SLITRK6: variants seen among roughly 807,000 people sequenced by gnomAD.
SLITRK6 encodes the protein SLIT and NTRK like family member 6.
Under a neutral mutation model 55.6 loss-of-function variants are expected in SLITRK6, and 35 were observed. The observed-to-expected ratio is 0.63, with a 90% CI of 0.48 to 0.83. The LOEUF is 0.83. Ranked by LOEUF, SLITRK6 falls within the 40% of genes least tolerant of loss-of-function variation. The probability of loss-of-function intolerance (pLI) is 0.00; values close to 1 mark genes in which losing one functional copy is unlikely to be tolerated. For synonymous variants in SLITRK6, 392 were observed against 359.6 expected (o/e 1.09, Z -1.02); for missense variants, 977 against 986.4 (o/e 0.99, Z 0.13).
In SLITRK6 at chr13:85,796,132, A is replaced by G. The variant is rs756032173; in HGVS notation, c.377T>C (p.Ile126Thr). 2 of 1,612,258 alleles carry G rather than the reference A, an allele frequency of 1.2e-6. No homozygotes were observed. The highest frequency in any genetic ancestry group is 1.7e-6 in the Non-Finnish European group (2 of 1,179,282). Reference protein sequence around the residue: ...QLHINHNSLEILKEDTFHGLE... With the variant: ...QLHINHNSLETLKEDTFHGLE... Reference sequence around the variant, plus strand: ...TCCATGGAAAGTATCCTCTTTAAGAATTTCTAAAGAATTGTGATTGATATG... The same window carrying G: ...TCCATGGAAAGTATCCTCTTTAAGAGTTTCTAAAGAATTGTGATTGATATG... The change falls in exon 2 of 2, where the codon ATT becomes ACT. Residue 126 changes from isoleucine (I) to threonine (T), a missense_variant. Physicochemically the swap from Ile to Thr is moderately conservative, Grantham distance 89. Coordinates refer to ENST00000647374, the MANE Select transcript of SLITRK6 (RefSeq NM_032229.3).
chr13:85,794,092 G>GAGT lies in SLITRK6; in HGVS notation c.2414_2416dup (p.Tyr805dup), dbSNP rs753339535. 6.2e-7 allele frequency: 1 copy of GAGT among 1,612,992 alleles called. No individual in the cohort carries two copies. The highest frequency in any genetic ancestry group is 1.1e-5 in the South Asian group (1 of 91,042). ...TTCCACTAATACCTTCCTTGGACGT[G>GAGT]AGTACATTAATGTTTCCATTAACTT... On this transcript the variant is annotated inframe_insertion, in exon 2 of 2. Transcript: ENST00000647374.
In SLITRK6 at chr13:85,794,458, C is replaced by T. The variant is rs755704179; in HGVS notation, c.2051G>A (p.Ser684Asn). The stretch of plus-strand genomic sequence containing the variant: ...ACTTCTATAGACATGAACCATGGGG[C>T]TCACCATGTGCTGTTCATAGAGTGA... ...SASLYEQHMV[S>N]PMVHVYRSPS... Residue 684 changes from serine to asparagine, a missense_variant, in exon 2 of 2, where the codon AGC (serine) becomes AAC (asparagine). By Grantham distance (46) the Ser-to-Asn change is conservative. Transcript: ENST00000647374. 8 of 1,613,254 alleles carry T rather than the reference C, an allele frequency of 5.0e-6. No homozygotes were observed. The highest frequency in any genetic ancestry group is 6.8e-6 in the Non-Finnish European group (8 of 1,179,574).
intron 1 of SLITRK6, among the ~76,000 whole-genome samples, chr13:85,796,876 T>C (rs1019748271): frequency 3.3e-5 from 5 of 151,758 alleles, no homozygotes; most frequent in Non-Finnish European, 1.5e-5. Context: ...GATACTTCAC[T>C]GTGATGCAAA....
intron 1 of SLITRK6, among the ~76,000 whole-genome samples, chr13:85,798,068 A>G (rs1040865344): frequency 9.9e-5 from 15 of 151,928 alleles, no homozygotes; most frequent in Admixed American, 7.9e-4. Flanking sequence ...CATATAGTAC[A>G]AAGTTCCTGA....
Position 85,795,682 on chromosome 13 carries a change from T to G in SLITRK6, c.827A>C (p.His276Pro). Residue 276 changes from histidine (H) to proline (P), a missense_variant, in exon 2 of 2, where the codon CAT (histidine) becomes CCT (proline). Coordinates refer to ENST00000647374, the MANE Select transcript of SLITRK6 (RefSeq NM_032229.3). ...ICPTPPVYEE[H>P]EDPSGSLHLA... is the part of the protein sequence containing the mutation. ...ATGTAATGATCCTGAAGGATCCTCATGTTCTTCATACACTGGTGGAGTAGG... is the reference window on the plus strand; with the variant it reads ...ATGTAATGATCCTGAAGGATCCTCAGGTTCTTCATACACTGGTGGAGTAGG... 6.2e-7 allele frequency: 1 copy of G among 1,613,142 alleles called. No homozygotes were observed. The highest frequency in any genetic ancestry group is 8.5e-7 in the Non-Finnish European group (1 of 1,179,448).
intron 1 of SLITRK6, among the ~76,000 whole-genome samples, chr13:85,797,151 CTATA>C (rs10694306): frequency 0.013 from 1,913 of 145,160 alleles, 21 homozygotes; most frequent in Admixed American, 0.024. Context: ...TCGGTTTTGG[CTATA>C]TATATATATA....
At position 85,796,488 on chromosome 13, in the gene SLITRK6, G is replaced by T. The variant is rs751137531; in HGVS notation, c.21C>A (p.Leu7=). Residue 7 remains leucine, a synonymous_variant, in exon 2 of 2, where the codon CTC becomes CTA. Coordinates refer to ENST00000647374, the MANE Select transcript of SLITRK6 (RefSeq NM_032229.3). MKLWIH[L]FYSSLLACIS... ...TACAGGCAAGGAGAGATGAATAAAA[G>T]AGATGAATCCACAGCTTCATGTTGT... The T allele has an allele frequency of 1.3e-6, 2 of 1,553,000 alleles. No homozygotes were observed. Among genetic ancestry groups the T allele is most frequent in the Non-Finnish European group, 8.7e-7 (1 of 1,155,514 alleles).
At chr13:85,796,783 A>C (rs527340210) in intron 1 of SLITRK6, among the ~76,000 whole-genome samples, 2 of 151,846 alleles carry the variant, frequency 1.3e-5, no homozygotes, top group Non-Finnish European at 2.9e-5. Flanking sequence ...GGGGATTTAA[A>C]ATATTATATC....
chr13:85,794,850 G>A lies in SLITRK6; in HGVS notation c.1659C>T (p.Asp553=), dbSNP rs1190214516. The change falls in exon 2 of 2, where the codon GAC becomes GAT. Residue 553 remains aspartate (D), a synonymous_variant. Transcript: ENST00000647374. ...DILCTSPGHL[D]KKELKALNSE... ...TATTTAGGGCTTTCAATTCCTTTTT[G>A]TCGAGATGCCCGGGGGAAGTGCAGA... 9 of 1,612,906 alleles carry A rather than the reference G, an allele frequency of 5.6e-6. No individual in the cohort carries two copies. The highest frequency in any genetic ancestry group is 1.3e-5 in the African/African-American group (1 of 74,792).
In SLITRK6 at chr13:85,794,356, T is replaced by C; in HGVS notation, c.2153A>G (p.Gln718Arg). The C allele has an allele frequency of 1.2e-6, 2 of 1,613,368 alleles. No individual in the cohort carries two copies. The highest frequency in any genetic ancestry group is 2.2e-5 in the South Asian group (2 of 91,048). ...EKEGSDAKHL[Q>R]RSLLEQENHS... Reference sequence around the variant, plus strand: ...ATTTTCCTGTTCCAAAAGACTTCTTTGGAGATGTTTTGCATCACTTCCTTC... The same window carrying C: ...ATTTTCCTGTTCCAAAAGACTTCTTCGGAGATGTTTTGCATCACTTCCTTC... Residue 718 changes from glutamine to arginine, a missense_variant, in exon 2 of 2, where the codon CAA (glutamine) becomes CGA (arginine). Gln to Arg is a conservative substitution (Grantham distance 43). Coordinates refer to ENST00000647374, the MANE Select transcript of SLITRK6 (RefSeq NM_032229.3).
At position 85,795,589 on chromosome 13, in the gene SLITRK6, G is replaced by T. The variant is rs746242783; in HGVS notation, c.920C>A (p.Pro307His). ...AGGTATCAAACCTGGTGCTTTGGTG[G>T]GTAGTTTTAGAATGGACGTGGTCTT... Reference protein sequence around the residue: ...STKTTSILKLPTKAPGLIPYI... With the variant: ...STKTTSILKLHTKAPGLIPYI... Residue 307 changes from proline (P) to histidine (H), a missense_variant, in exon 2 of 2, where the codon CCC becomes CAC. Pro to His is a moderately conservative substitution (Grantham distance 77). Transcript: ENST00000647374. 1 of 1,612,870 alleles carries T rather than the reference G, an allele frequency of 6.2e-7. No individual in the cohort carries two copies. The highest frequency in any genetic ancestry group is 1.3e-5 in the African/African-American group (1 of 74,920).
Position 85,794,643 on chromosome 13 carries a change from A to G in SLITRK6, c.1866T>C (p.Val622=). Residue 622 remains valine, a synonymous_variant, in exon 2 of 2, where the codon GTT becomes GTC. Coordinates refer to ENST00000647374, the MANE Select transcript of SLITRK6 (RefSeq NM_032229.3). The part of the protein sequence containing the change: ...LGLLIMFITI[V]FCAAGIVVLV... ...GAACCACTATCCCTGCAGCACAGAA[A>G]ACAATAGTGATGAACATAATCAGAA... 1 of 1,613,308 alleles carries G rather than the reference A, an allele frequency of 6.2e-7. No homozygotes were observed. Among genetic ancestry groups the G allele is most frequent in the Non-Finnish European group, 8.5e-7 (1 of 1,179,550 alleles).
chr13:85,795,960 A>G lies in SLITRK6; in HGVS notation c.549T>C (p.Val183=), dbSNP rs1452806571. ...ESLPPNIFRF[V]PLTHLDLRGN... ...CACGAAGATCTAGATGGGTTAAAGG[A>G]ACAAATCGGAAGATGTTTGGAGGAA... The change falls in exon 2 of 2, where the codon GTT becomes GTC. Residue 183 remains valine, a synonymous_variant. Transcript: ENST00000647374. The G allele has an allele frequency of 6.2e-7, 1 of 1,613,044 alleles. No individual in the cohort carries two copies. Among genetic ancestry groups the G allele is most frequent in the Admixed American group, 1.7e-5 (1 of 59,826 alleles).
rs34633805 is a variant in SLITRK6, at chr13:85,793,838, CT to C, written c.*144del. ...GCTTCTCCCAGTGATCCCTGAGTTTCTTTTTCTTCTTCTTTTTTTTTCCCCA... is the reference window on the plus strand; with the variant it reads ...GCTTCTCCCAGTGATCCCTGAGTTTCTTTTCTTCTTCTTTTTTTTTCCCCA... On this transcript the variant is annotated 3_prime_UTR_variant, in exon 2 of 2. Transcript: ENST00000647374. The C allele has an allele frequency of 0.29, 271,186 of 938,462 alleles. 43,415 individuals are homozygous for C. Among genetic ancestry groups the C allele is most frequent in the East Asian group, 0.61 (21,647 of 35,578 alleles). 58.1% of individuals were successfully genotyped at this position (938,462 alleles called of 1,614,324 possible). A position where few individuals can be genotyped will look rare whatever the true frequency, so the allele number is the denominator to read the frequency against.
In SLITRK6 at chr13:85,794,580, T is replaced by C. The variant is rs753418640; in HGVS notation, c.1929A>G (p.Gln643=). 10 of 1,613,126 alleles carry C rather than the reference T, an allele frequency of 6.2e-6. No individual in the cohort carries two copies. Among genetic ancestry groups the C allele is most frequent in the Admixed American group, 5.0e-5 (3 of 59,816 alleles). The change falls in exon 2 of 2, where the codon CAA becomes CAG. Residue 643 remains glutamine (Q), a synonymous_variant. Coordinates refer to ENST00000647374, the MANE Select transcript of SLITRK6 (RefSeq NM_032229.3). ...LHRRRRYKKK[Q]VDEQMRDNSP... is the part of the protein sequence containing the mutation. Reference sequence around the variant, plus strand: ...TGTTGTCTCTCATTTGCTCATCTACTTGTTTCTTTTTGTATCTTCTCCTGC... The same window carrying C: ...TGTTGTCTCTCATTTGCTCATCTACCTGTTTCTTTTTGTATCTTCTCCTGC...
Position 85,795,101 on chromosome 13 carries a change from G to T in SLITRK6, c.1408C>A (p.Leu470Ile). ...KLKVLYLNNN[L>I]LQVLPPHIFS... is the part of the protein sequence containing the mutation. ...ATATGTGGTGGTAAAACTTGGAGGAGGTTGTTATTTAAATACAGGACTTTA... is the reference window on the plus strand; with the variant it reads ...ATATGTGGTGGTAAAACTTGGAGGATGTTGTTATTTAAATACAGGACTTTA... The change falls in exon 2 of 2, where the codon CTC becomes ATC. Residue 470 changes from leucine (L) to isoleucine (I), a missense_variant. Physicochemically the swap from Leu to Ile is conservative, Grantham distance 5 (BLOSUM62 2). Transcript: ENST00000647374. 1 of 1,612,956 alleles carries T rather than the reference G, an allele frequency of 6.2e-7. No individual in the cohort carries two copies.
intron 1 of SLITRK6, among the ~76,000 whole-genome samples, chr13:85,797,020 TG>T (rs1301198779): frequency 4.0e-5 from 6 of 151,718 alleles, no homozygotes; most frequent in Admixed American, 1.3e-4. Flanking sequence ...GATAAAAGAA[TG>T]TATGTGTGCA....
At chr13:85,797,270 G>T (rs1874756330) in intron 1 of SLITRK6, among the ~76,000 whole-genome samples, 1 of 151,330 alleles carries the variant, frequency 6.6e-6, no homozygotes, top group African/African-American at 2.4e-5. Context: ...TCAATCAAGG[G>T]TAGTTTGTAT....
At chr13:85,797,970 C>A (rs1031147236) in intron 1 of SLITRK6, among the ~76,000 whole-genome samples, 8 of 151,804 alleles carry the variant, frequency 5.3e-5, no homozygotes, top group Non-Finnish European at 8.8e-5. Context: ...AATTAAAATT[C>A]ACAATCAGGT....
Sources: allele counts gnomAD v4.1 joint callset (sites outside exome capture counted in the v4.1 genomes callset), GRCh38; gene constraint gnomAD v4.1.1; transcripts MANE v1.5; gene names NCBI Gene and HGNC (gene_info 2026-07-23, HGNC 2026-07-21).